Variants in ANKRD52 observed in about 807,000 individuals in gnomAD.
ANKRD52 encodes serine/threonine-protein phosphatase 6 regulatory ankyrin repeat subunit C.
ANKRD52 carries 7 observed loss-of-function variants against 116.0 expected under a neutral mutation model. The ratio of observed to expected loss-of-function variants is 0.06; its 90% CI spans 0.03 to 0.11. ANKRD52 has a LOEUF of 0.11. Ranked by LOEUF, ANKRD52 falls within the 10% of genes least tolerant of loss-of-function variation. The probability of loss-of-function intolerance (pLI) is 1.00; values close to 1 mark genes in which losing one functional copy is unlikely to be tolerated. For synonymous variants in ANKRD52, 528 were observed against 578.1 expected (o/e 0.91, Z 1.24); for missense variants, 839 against 1,408.6 (o/e 0.60, Z 6.47).
rs1171629206 is a variant in ANKRD52 at position 56,239,794 on chromosome 12, G to A, written c.*3348C>T. Reference sequence around the variant, plus strand: ...CCCTTCTAGGTCCAGGGAGTAAGAAGGTGCTCGGGTGGGCAGACAGTGGTG... The same window carrying A: ...CCCTTCTAGGTCCAGGGAGTAAGAAAGTGCTCGGGTGGGCAGACAGTGGTG... On this transcript the variant is annotated 3_prime_UTR_variant, in exon 28 of 28. Coordinates refer to ENST00000267116, the MANE Select transcript of ANKRD52 (RefSeq NM_173595.4). The A allele has an allele frequency of 6.6e-6, 1 of 152,278 alleles. No individual in the cohort carries two copies. Among genetic ancestry groups the A allele is most frequent in the African/African-American group, 2.4e-5 (1 of 41,426 alleles). 9.4% of individuals were successfully genotyped at this position (152,278 alleles called of 1,614,324 possible). A position where few individuals can be genotyped will look rare whatever the true frequency, so the allele number is the denominator to read the frequency against.
chr12:56,251,809 T>C (rs558104613), intron 15 of ANKRD52, among the ~76,000 whole-genome samples: 1 of 152,072 alleles, frequency 6.6e-6, no homozygotes, highest in South Asian at 2.1e-4. Flanking sequence ...GGGTTTTTTT[T>C]TCCCCCTGAA....
chr12:56,258,041 C>T (rs1473248558), intron 1 of ANKRD52, 130 bp from the exon 2 acceptor site: 4 of 1,298,640 alleles, frequency 3.1e-6, no homozygotes, highest in Non-Finnish European at 3.2e-6. Context: ...GGGATTCTGG[C>T]TGGAGCGAGC....
At chr12:56,256,940 G>A in intron 4 of ANKRD52, 75 bp downstream of exon 4, 2 of 1,465,072 alleles carry the variant, frequency 1.4e-6, no homozygotes, top group Non-Finnish European at 9.2e-7. Context: ...GAGGACTGAG[G>A]CTCCTTAACC....
Position 56,244,875 on chromosome 12 carries a change from T to A in ANKRD52, c.2576+31A>T, listed in dbSNP as rs779711413. ...GCAGAAAGGGGAAGCCAGAGGCAAC[T>A]GGGATTCTTCCCAAGTCTTCCATCA... On this transcript the variant is annotated intron_variant, in intron 23 of 27. Coordinates refer to ENST00000267116, the MANE Select transcript of ANKRD52 (RefSeq NM_173595.4). This position sits in a 1 kb window ranked among gnomAD's most constrained non-coding sequence, Gnocchi z 4.9. The A allele has an allele frequency of 5.0e-6, 8 of 1,613,748 alleles. No individual in the cohort carries two copies. Among genetic ancestry groups the A allele is most frequent in the Non-Finnish European group, 1.7e-6 (2 of 1,179,838 alleles).
In ANKRD52 at chr12:56,244,836, A is replaced by C. The variant is rs765493088; in HGVS notation, c.2577-39T>G. The C allele has an allele frequency of 6.2e-7, 1 of 1,613,882 alleles. No individual in the cohort carries two copies. Reference sequence around the variant, plus strand: ...ATCAGGGTAGATTAAAATAGGGAAGAGTATACTGCCCAAGCAGAAAGGGGA... The same window carrying C: ...ATCAGGGTAGATTAAAATAGGGAAGCGTATACTGCCCAAGCAGAAAGGGGA... On this transcript the variant is annotated intron_variant, in intron 23 of 27. Transcript: ENST00000267116. The surrounding 1 kb of genome is among the most constrained non-coding windows in gnomAD (Gnocchi z 4.9).
rs763936213 is a variant in ANKRD52, at chr12:56,243,325, G to A, written c.3048C>T (p.Ser1016=). The part of the protein sequence containing the change: ...DVADCLALIL[S]TMKPFPPKDA... ...CCTTGGGTGGGAAAGGCTTCATGGTGGAAAGGATCAAGGCCAGGCAGTCTG... is the reference window on the plus strand; with the variant it reads ...CCTTGGGTGGGAAAGGCTTCATGGTAGAAAGGATCAAGGCCAGGCAGTCTG... The change falls in exon 28 of 28, where the codon TCC becomes TCT. Residue 1016 remains serine, a synonymous_variant. Coordinates refer to ENST00000267116, the MANE Select transcript of ANKRD52 (RefSeq NM_173595.4). This position sits in a 1 kb window ranked among gnomAD's most constrained non-coding sequence, Gnocchi z 4.6. The A allele has an allele frequency of 3.1e-6, 5 of 1,613,884 alleles. No individual in the cohort carries two copies. The highest frequency in any genetic ancestry group is 3.3e-5 in the Admixed American group (2 of 60,008).
In ANKRD52 at chr12:56,243,739, C is replaced by T. The variant is rs1871269675; in HGVS notation, c.2980+46G>A. 6.6e-7 allele frequency: 1 copy of T among 1,526,252 alleles called. No individual in the cohort carries two copies. The highest frequency in any genetic ancestry group is 1.4e-5 in the African/African-American group (1 of 72,344). 94.5% of individuals were successfully genotyped at this position (1,526,252 alleles called of 1,614,324 possible). The stretch of plus-strand genomic sequence containing the variant: ...AGAAGTCACCTCCTGAAGAATGTCC[C>T]TGACCCCAAACCCAAGAGAGGCATG... On this transcript the variant is annotated intron_variant, in intron 27 of 27. Coordinates refer to ENST00000267116, the MANE Select transcript of ANKRD52 (RefSeq NM_173595.4). The surrounding 1 kb of genome is among the most constrained non-coding windows in gnomAD (Gnocchi z 4.6).
At position 56,248,659 on chromosome 12, in the gene ANKRD52, G is replaced by T; in HGVS notation, c.1705-93C>A. On this transcript the variant is annotated intron_variant, in intron 16 of 27. Transcript: ENST00000267116. This position sits in a 1 kb window ranked among gnomAD's most constrained non-coding sequence, Gnocchi z 5.1. ...CGCAGTAATCCCCACTAAGCCTCTG[G>T]ATCCAAAGACCACATTTGATTGAAC... The T allele has an allele frequency of 6.7e-7, 1 of 1,487,470 alleles. No homozygotes were observed. The highest frequency in any genetic ancestry group is 9.2e-7 in the Non-Finnish European group (1 of 1,087,440). The allele number at this position is 1,487,470 out of a possible 1,614,324, so 92.1% of individuals were successfully genotyped here.
chr12:56,238,935 G>C lies in ANKRD52; in HGVS notation c.*4207C>G, dbSNP rs1263336914. The C allele has an allele frequency of 6.6e-6, 1 of 152,426 alleles. No individual in the cohort carries two copies. Among genetic ancestry groups the C allele is most frequent in the Non-Finnish European group, 1.5e-5 (1 of 68,174 alleles). 9.4% of individuals were successfully genotyped at this position (152,426 alleles called of 1,614,324 possible). A position where few individuals can be genotyped will look rare whatever the true frequency, so the allele number is the denominator to read the frequency against. ...GGTGCCCAGAGTGAGAGGTGGAGAA[G>C]GGAGGGAAGGCGGTCCCCAACTTCC... On this transcript the variant is annotated 3_prime_UTR_variant, in exon 28 of 28. Coordinates refer to ENST00000267116, the MANE Select transcript of ANKRD52 (RefSeq NM_173595.4).
At position 56,244,785 on chromosome 12, in the gene ANKRD52, G is replaced by A. The variant is rs1871319636; in HGVS notation, c.2589C>T (p.His863=). 7 of 1,613,800 alleles carry A rather than the reference G, an allele frequency of 4.3e-6. No individual in the cohort carries two copies. Among genetic ancestry groups the A allele is most frequent in the East Asian group, 2.2e-5 (1 of 44,880 alleles). The change falls in exon 24 of 28, where the codon CAC becomes CAT. Residue 863 remains histidine, a synonymous_variant. Coordinates refer to ENST00000267116, the MANE Select transcript of ANKRD52 (RefSeq NM_173595.4). This position sits in a 1 kb window ranked among gnomAD's most constrained non-coding sequence, Gnocchi z 4.9. The part of the protein sequence containing the change: ...SRDAKGRTPL[H]AAAFADNVSG... ...AGACATTGTCCGCGAAGGCAGCGGC[G>A]TGAAGGGGGGTCCTGTAAGGCAGGG...
chr12:56,248,261 G>A lies in ANKRD52; in HGVS notation c.1777-37C>T. On this transcript the variant is annotated intron_variant, in intron 17 of 27. Transcript: ENST00000267116. The surrounding 1 kb of genome is among the most constrained non-coding windows in gnomAD (Gnocchi z 5.1). ...CAGGCAACCAGTGCACACAGCTCGG[G>A]ACCTTCCCTGCTCCTCCCTTCCCCT... The A allele has an allele frequency of 1.2e-6, 2 of 1,604,668 alleles. No individual in the cohort carries two copies. The highest frequency in any genetic ancestry group is 1.1e-5 in the South Asian group (1 of 90,842).
intron 1 of ANKRD52, 71 bp downstream of exon 1, chr12:56,258,172 C>A: frequency 6.4e-7 from 1 of 1,563,870 alleles, no homozygotes; most frequent in Admixed American, 1.9e-5. Flanking sequence ...CTAGGCCGCA[C>A]ATCCCCGGGC....
rs769265463 is a variant in ANKRD52, at chr12:56,252,340, G to A, written c.1371-25C>T. The A allele has an allele frequency of 6.2e-7, 1 of 1,612,224 alleles. No homozygotes were observed. The highest frequency in any genetic ancestry group is 8.5e-7 in the Non-Finnish European group (1 of 1,178,658). On this transcript the variant is annotated intron_variant, in intron 13 of 27. Coordinates refer to ENST00000267116, the MANE Select transcript of ANKRD52 (RefSeq NM_173595.4). The surrounding 1 kb of genome is among the most constrained non-coding windows in gnomAD (Gnocchi z 4.7). ...CCTGGGGAAGAAGTGAAGGAGGGTG[G>A]GGAAGAGAATCAGAGACAGATACGA...
intron 18 of ANKRD52, 75 bp downstream of exon 18, chr12:56,247,948 C>G: frequency 9.5e-6 from 14 of 1,473,134 alleles, no homozygotes; most frequent in Admixed American, 2.0e-5. Flanking sequence ...CCCTACTCCA[C>G]TTTCCAGCCC....
rs1788555099 is a variant in ANKRD52, at chr12:56,242,092, C to T, written c.*1050G>A. Reference sequence around the variant, plus strand: ...GGGCAGTGGGTACTCTTGGACATAACGGAAGGTGGAGGCAGATAGGGAGCA... The same window carrying T: ...GGGCAGTGGGTACTCTTGGACATAATGGAAGGTGGAGGCAGATAGGGAGCA... On this transcript the variant is annotated 3_prime_UTR_variant, in exon 28 of 28. Coordinates refer to ENST00000267116, the MANE Select transcript of ANKRD52 (RefSeq NM_173595.4). This position sits in a 1 kb window ranked among gnomAD's most constrained non-coding sequence, Gnocchi z 4.3. 1.8e-5 allele frequency: 7 copies of T among 398,480 alleles called. No individual in the cohort carries two copies. Among genetic ancestry groups the T allele is most frequent in the East Asian group, 1.4e-4 (4 of 28,090 alleles). 24.7% of individuals were successfully genotyped at this position (398,480 alleles called of 1,614,324 possible).
At position 56,253,673 on chromosome 12, in the gene ANKRD52, T is replaced by C; in HGVS notation, c.985+49A>G. 2 of 1,578,296 alleles carry C rather than the reference T, an allele frequency of 1.3e-6. No homozygotes were observed. Among genetic ancestry groups the C allele is most frequent in the Non-Finnish European group, 1.7e-6 (2 of 1,149,218 alleles). On this transcript the variant is annotated intron_variant, in intron 9 of 27. Coordinates refer to ENST00000267116, the MANE Select transcript of ANKRD52 (RefSeq NM_173595.4). The surrounding 1 kb of genome is among the most constrained non-coding windows in gnomAD (Gnocchi z 5.5). The stretch of plus-strand genomic sequence containing the variant: ...AACCTCCCTAGATTCTAGAAATGAG[T>C]TCCTTGGGGGAGGAGGGGATGAGAG...
chr12:56,256,437 G>A (rs983778766), intron 4 of ANKRD52, among the ~76,000 whole-genome samples: 7 of 152,110 alleles, frequency 4.6e-5, no homozygotes, highest in African/African-American at 1.4e-4. Flanking sequence ...ATACTGGTTC[G>A]TTTGCAAAAC....
chr12:56,250,074 G>A (rs1355712537), intron 15 of ANKRD52, among the ~76,000 whole-genome samples: 3 of 152,086 alleles, frequency 2.0e-5, no homozygotes, highest in African/African-American at 7.2e-5. Flanking sequence ...ATAGGCACCT[G>A]TAATCCCAGC....
At position 56,254,590 on chromosome 12, in the gene ANKRD52, C is replaced by G; in HGVS notation, c.681G>C (p.Arg227=). 6.2e-7 allele frequency: 1 copy of G among 1,613,910 alleles called. No individual in the cohort carries two copies. The highest frequency in any genetic ancestry group is 8.5e-7 in the Non-Finnish European group (1 of 1,179,850). Residue 227 remains arginine, a synonymous_variant, in exon 7 of 28, where the codon CGG becomes CGC. Coordinates refer to ENST00000267116, the MANE Select transcript of ANKRD52 (RefSeq NM_173595.4). This position sits in a 1 kb window ranked among gnomAD's most constrained non-coding sequence, Gnocchi z 4.6. ...GQIEVVKYLL[R]MGAEIDEPNA... is the part of the protein sequence containing the mutation. ...TCAAAGCCCTGACCTCCGCTCCCAT[C>G]CGAAGCAGGTACTTCACCACTTCAA...
Sources: allele counts gnomAD v4.1 joint callset (sites outside exome capture counted in the v4.1 genomes callset), GRCh38; gene constraint gnomAD v4.1.1; non-coding constraint Gnocchi (gnomAD v3.1); transcripts MANE v1.5; gene names NCBI Gene and HGNC (gene_info 2026-07-23, HGNC 2026-07-21).